SIGLEC11: variants seen among roughly 807,000 people sequenced by gnomAD.
SIGLEC11 encodes the protein sialic acid-binding Ig-like lectin 11.
In SIGLEC11, 47 loss-of-function variants were observed where a neutral mutation model predicts 61.2. The ratio of observed to expected loss-of-function variants is 0.77; its 90% CI spans 0.61 to 0.98. The LOEUF is 0.98. Among genes scored for constraint, SIGLEC11 ranks in the 50% least tolerant of loss-of-function variants. The probability of loss-of-function intolerance (pLI) is 0.00; values close to 1 mark genes in which losing one functional copy is unlikely to be tolerated. For missense variants in SIGLEC11, 610 were observed against 870.3 expected (o/e 0.70, Z 3.76); for synonymous variants, 278 against 373.1 (o/e 0.75, Z 2.94).
chr19:49,958,934 T>C (rs1226927912), intron 6 of SIGLEC11, 34 bp from the exon 7 acceptor site: 4 of 1,609,104 alleles, frequency 2.5e-6, no homozygotes, highest in Non-Finnish European at 3.4e-6. Context: ...GACGTGCAGC[T>C]CAGGGCTCAG....
intron 8 of SIGLEC11, among the ~76,000 whole-genome samples, chr19:49,958,017 AC>A (rs1215677580): frequency 6.6e-6 from 1 of 151,896 alleles, no homozygotes; most frequent in Non-Finnish European, 1.5e-5. Context: ...AACAAAAAAA[AC>A]CCCTTCTTTG....
chr19:49,958,817 G>T lies in SIGLEC11; in HGVS notation c.1189C>A (p.Pro397Thr). The change falls in exon 7 of 11, where the codon CCC becomes ACC. Residue 397 changes from proline (P) to threonine (T), a missense_variant. By Grantham distance (38) the Pro-to-Thr change is conservative (BLOSUM62 -1). Transcript: ENST00000447370. Reference protein sequence around the residue: ...LRLVCVTHSSPPARLSWTRWG... With the variant: ...LRLVCVTHSSTPARLSWTRWG... ...CGGGTCCAGCTCAGCCTGGCTGGGG[G>T]GCTGCTGTGGGTGACACAGACCAGG... 6.2e-7 allele frequency: 1 copy of T among 1,612,820 alleles called. No individual in the cohort carries two copies. Among genetic ancestry groups the T allele is most frequent in the Non-Finnish European group, 8.5e-7 (1 of 1,179,310 alleles).
chr19:49,951,753 G>T lies in SIGLEC11; in HGVS notation c.1830+138C>A. 1.5e-6 allele frequency: 1 copy of T among 672,060 alleles called. No individual in the cohort carries two copies. The highest frequency in any genetic ancestry group is 2.4e-6 in the Non-Finnish European group (1 of 424,270). The allele number at this position is 672,060 out of a possible 1,614,324, so 41.6% of individuals were successfully genotyped here. Reference sequence around the variant, plus strand: ...GGGTGCCTCCCAGATCATGGGACTTGGGACTGCATTGATGGGGACCCAGGA... The same window carrying T: ...GGGTGCCTCCCAGATCATGGGACTTTGGACTGCATTGATGGGGACCCAGGA... On this transcript the variant is annotated intron_variant, in intron 10 of 10. Coordinates refer to ENST00000447370, the MANE Select transcript of SIGLEC11 (RefSeq NM_052884.3). This position sits in a 1 kb window ranked among gnomAD's most constrained non-coding sequence, Gnocchi z 4.6.
rs768270300 is a variant in SIGLEC11 at position 49,952,306 on chromosome 19, G to A, written c.1740C>T (p.Val580=). The part of the protein sequence containing the change: ...AALLAFCSCL[V]VFRVKICRKE... ...TGCCCTCCGATGCTTACCTGAAGAC[G>A]ACAAGGCAGGAACAGAAAGCGAGCA... is the stretch of plus-strand genomic sequence containing the variant. Residue 580 remains valine (V), a synonymous_variant, in exon 9 of 11, where the codon GTC becomes GTT. Coordinates refer to ENST00000447370, the MANE Select transcript of SIGLEC11 (RefSeq NM_052884.3). The A allele has an allele frequency of 6.2e-6, 10 of 1,612,528 alleles. No individual in the cohort carries two copies. Among genetic ancestry groups the A allele is most frequent in the African/African-American group, 2.7e-5 (2 of 74,912 alleles).
At chr19:49,953,392 G>A (rs1038577538) in intron 8 of SIGLEC11, among the ~76,000 whole-genome samples, 7 of 152,114 alleles carry the variant, frequency 4.6e-5, no homozygotes, top group African/African-American at 1.7e-4. Flanking sequence ...AGCGAGAGTG[G>A]CTCGTCGATT....
Position 49,958,663 on chromosome 19 carries a change from G to C in SIGLEC11, c.1343C>G (p.Ser448Cys). Residue 448 changes from serine (S) to cysteine (C), a missense_variant, in exon 7 of 11, where the codon TCT becomes TGT. Physicochemically the swap from Ser to Cys is moderately radical, Grantham distance 112. Coordinates refer to ENST00000447370, the MANE Select transcript of SIGLEC11 (RefSeq NM_052884.3). ...AQHPLGSQHVSLSLSVHYPPQ... is the reference protein window; with the variant it reads ...AQHPLGSQHVCLSLSVHYPPQ... ...CTCACAGTGCACGGAGAGGCTGAGA[G>C]AGACGTGCTGGGAGCCCAGAGGGTG... 1 of 1,602,754 alleles carries C rather than the reference G, an allele frequency of 6.2e-7. No individual in the cohort carries two copies. Among genetic ancestry groups the C allele is most frequent in the Non-Finnish European group, 8.5e-7 (1 of 1,174,442 alleles).
chr19:49,951,947 G>C lies in SIGLEC11; in HGVS notation c.1774C>G (p.Arg592Gly), dbSNP rs745759468. Residue 592 changes from arginine to glycine, a missense_variant, in exon 10 of 11, where the codon CGC becomes GGC. This residue lies in a region of SIGLEC11 where 432 missense variants were observed against 441.5 expected (regional missense o/e 0.98). Coordinates refer to ENST00000447370, the MANE Select transcript of SIGLEC11 (RefSeq NM_052884.3). This position sits in a 1 kb window ranked among gnomAD's most constrained non-coding sequence, Gnocchi z 4.6. Reference protein sequence around the residue: ...FRVKICRKEARKRAAAEQDVP... With the variant: ...FRVKICRKEAGKRAAAEQDVP... The stretch of plus-strand genomic sequence containing the variant: ...TCCTGCTCAGCTGCTGCCCTCTTGC[G>C]AGCTTCCTTCCTGCAGATCTTCACC... 6.2e-7 allele frequency: 1 copy of C among 1,610,936 alleles called. No individual in the cohort carries two copies. Among genetic ancestry groups the C allele is most frequent in the Non-Finnish European group, 8.5e-7 (1 of 1,178,982 alleles).
intron 8 of SIGLEC11, among the ~76,000 whole-genome samples, chr19:49,956,332 C>A (rs570435196): frequency 6.6e-6 from 1 of 152,088 alleles, no homozygotes; most frequent in Non-Finnish European, 1.5e-5. Flanking sequence ...CACTTTGTGG[C>A]GGGGCAAAGA....
At position 49,950,220 on chromosome 19, in the gene SIGLEC11, C is replaced by A; in HGVS notation, c.1847G>T (p.Cys616Phe). ...GPISQGHQHE[C>F]SAGSSQDHPP... ...GTGGTCTTGGGAGCTGCCTGCCGAG[C>A]ATTCATGCTGGTGACCCTGAATGCA... Residue 616 changes from cysteine to phenylalanine, a missense_variant, in exon 11 of 11, where the codon TGC becomes TTC. This residue lies in a region of SIGLEC11 where 432 missense variants were observed against 441.5 expected (regional missense o/e 0.98). Transcript: ENST00000447370. 1 of 1,589,582 alleles carries A rather than the reference C, an allele frequency of 6.3e-7. No individual in the cohort carries two copies. Among genetic ancestry groups the A allele is most frequent in the South Asian group, 1.1e-5 (1 of 89,016 alleles).
At chr19:49,960,011 G>C (rs2076230645) in intron 3 of SIGLEC11, 126 bp downstream of exon 3, 1 of 1,289,952 alleles carries the variant, frequency 7.8e-7, no homozygotes. Context: ...CCGGCATCCT[G>C]GGACCCCACA....
rs1030720232 is a variant in SIGLEC11 at position 49,951,438 on chromosome 19, C to A, written c.1830+453G>T. On this transcript the variant is annotated intron_variant, in intron 10 of 10. Coordinates refer to ENST00000447370, the MANE Select transcript of SIGLEC11 (RefSeq NM_052884.3). This position sits in a 1 kb window ranked among gnomAD's most constrained non-coding sequence, Gnocchi z 4.6. ...CAGCTCTCAGTGAGTCCTGCGAGTC[C>A]TAGGGGGTTATCCAACCTCAGAGTG... is the stretch of plus-strand genomic sequence containing the variant. 6.6e-6 allele frequency among the ~76,000 whole-genome samples: 1 copy of A among 152,124 alleles called. No homozygotes were observed. The highest frequency in any genetic ancestry group is 2.4e-5 in the African/African-American group (1 of 41,432).
intron 10 of SIGLEC11, among the ~76,000 whole-genome samples, chr19:49,950,774 C>A (rs1268438793): frequency 6.6e-6 from 1 of 152,192 alleles, no homozygotes; most frequent in Non-Finnish European, 1.5e-5. Context: ...AAGTTACTAT[C>A]TAATTGCAAA....
rs781720686 is a variant in SIGLEC11, at chr19:49,960,600, G to A, written c.412C>T (p.Arg138Cys). ...WYFFRVERGSRVRHSFLSNAF... is the reference protein window; with the variant it reads ...WYFFRVERGSCVRHSFLSNAF... ...TTGCTCAGGAAACTATGTCTCACACGGCTTCCTCTCTCCACCCGAAAGAAG... is the reference window on the plus strand; with the variant it reads ...TTGCTCAGGAAACTATGTCTCACACAGCTTCCTCTCTCCACCCGAAAGAAG... The change falls in exon 2 of 11, where the codon CGT becomes TGT. Residue 138 changes from arginine to cysteine, a missense_variant. Physicochemically the swap from Arg to Cys is radical, Grantham distance 180. Coordinates refer to ENST00000447370, the MANE Select transcript of SIGLEC11 (RefSeq NM_052884.3). The A allele has an allele frequency of 1.6e-5, 25 of 1,599,320 alleles. No individual in the cohort carries two copies. The highest frequency in any genetic ancestry group is 8.9e-5 in the East Asian group (4 of 44,892).
rs953522022 is a variant in SIGLEC11, at chr19:49,949,887, G to A, written c.*83C>T. 23 of 1,292,828 alleles carry A rather than the reference G, an allele frequency of 1.8e-5. No homozygotes were observed. The African/African-American group carries it at 3.0e-4, about 17-fold the overall frequency. 80.1% of individuals were successfully genotyped at this position (1,292,828 alleles called of 1,614,324 possible). On this transcript the variant is annotated 3_prime_UTR_variant, in exon 11 of 11. Coordinates refer to ENST00000447370, the MANE Select transcript of SIGLEC11 (RefSeq NM_052884.3). ...ACTCAAGCTCTTCATTGGGGATGGG[G>A]CTGAAATCTGAGTCCAGTTCTGGCC...
In SIGLEC11 at chr19:49,951,917, G is replaced by C; in HGVS notation, c.1804C>G (p.Pro602Ala). The change falls in exon 10 of 11, where the codon CCC (proline) becomes GCC (alanine). Residue 602 changes from proline (P) to alanine (A), a missense_variant. Pro to Ala is a conservative substitution (Grantham distance 27). Coordinates refer to ENST00000447370, the MANE Select transcript of SIGLEC11 (RefSeq NM_052884.3). The surrounding 1 kb of genome is among the most constrained non-coding windows in gnomAD (Gnocchi z 4.6). The stretch of plus-strand genomic sequence containing the variant: ...TGGGAGATGGGTCCCAGGGTGGAGG[G>C]CACGTCCTGCTCAGCTGCTGCCCTC... Reference protein sequence around the residue: ...RKRAAAEQDVPSTLGPISQGH... With the variant: ...RKRAAAEQDVASTLGPISQGH... The C allele has an allele frequency of 6.2e-7, 1 of 1,609,534 alleles. No homozygotes were observed. Among genetic ancestry groups the C allele is most frequent in the Non-Finnish European group, 8.5e-7 (1 of 1,178,248 alleles).
rs1262489331 is a variant in SIGLEC11 at position 49,958,437 on chromosome 19, A to G, written c.1497T>C (p.Ser499=). The change falls in exon 8 of 11, where the codon AGT becomes AGC. Residue 499 remains serine (S), a synonymous_variant. Coordinates refer to ENST00000447370, the MANE Select transcript of SIGLEC11 (RefSeq NM_052884.3). ...LGEELLEGNS[S]QGSFEVTPSS... is the part of the protein sequence containing the mutation. Reference sequence around the variant, plus strand: ...TGGGGGTGACCTCGAAGGAGCCCTGACTGCTGTTCCCCTCCAGCAGCTCCT... The same window carrying G: ...TGGGGGTGACCTCGAAGGAGCCCTGGCTGCTGTTCCCCTCCAGCAGCTCCT... 1.2e-5 allele frequency: 20 copies of G among 1,613,662 alleles called. No homozygotes were observed. The highest frequency in any genetic ancestry group is 2.7e-5 in the African/African-American group (2 of 74,914).
In SIGLEC11 at chr19:49,955,226, G is replaced by T. The variant is rs1228619984; in HGVS notation, c.1652-2832C>A. On this transcript the variant is annotated intron_variant, in intron 8 of 10. Transcript: ENST00000447370. This position sits in a 1 kb window ranked among gnomAD's most constrained non-coding sequence, Gnocchi z 4.5. ...AAAGCAACAAGCGAGGCACCAAGCA[G>T]CTAGGCACACCAAGGGTTTAGTCCC... is the stretch of plus-strand genomic sequence containing the variant. 2.0e-5 allele frequency among the ~76,000 whole-genome samples: 3 copies of T among 150,868 alleles called. No individual in the cohort carries two copies. Among genetic ancestry groups the T allele is most frequent in the Admixed American group, 6.6e-5 (1 of 15,072 alleles).
rs35570164 is a variant in SIGLEC11 at position 49,955,431 on chromosome 19, CA to C, written c.1651+2851del. ...ACGGCTGTGCAGATCCTACCTAGCC[CA>C]AAAAAGTAAGTGTGAAAAAGGAAAA... is the stretch of plus-strand genomic sequence containing the variant. On this transcript the variant is annotated intron_variant, in intron 8 of 10. Transcript: ENST00000447370. The surrounding 1 kb of genome is among the most constrained non-coding windows in gnomAD (Gnocchi z 4.5). Among the ~76,000 whole-genome samples the C allele has an allele frequency of 1.3e-5, 2 of 151,780 alleles. No homozygotes were observed. The highest frequency in any genetic ancestry group is 2.1e-4 in the South Asian group (1 of 4,802).
chr19:49,955,785 A>G lies in SIGLEC11; in HGVS notation c.1651+2498T>C, dbSNP rs1229437472. Among the ~76,000 whole-genome samples the G allele has an allele frequency of 1.3e-5, 2 of 152,122 alleles. No homozygotes were observed. The highest frequency in any genetic ancestry group is 2.9e-5 in the Non-Finnish European group (2 of 68,030). On this transcript the variant is annotated intron_variant, in intron 8 of 10. Transcript: ENST00000447370. This position sits in a 1 kb window ranked among gnomAD's most constrained non-coding sequence, Gnocchi z 4.5. The stretch of plus-strand genomic sequence containing the variant: ...CTGTCTCTAGTAAAAATACAAAAAA[A>G]TTAGCCGGGCTTGGTGGCGGGCGCC...
Sources: gnomAD v4.1 joint callset for allele counts (sites outside exome capture counted in the v4.1 genomes callset) on GRCh38, gnomAD v4.1.1 for gene constraint, gnomAD v4.1.1 regional missense constraint, Gnocchi (gnomAD v3.1) non-coding constraint, MANE v1.5 for transcripts, NCBI Gene and HGNC (gene_info 2026-07-23, HGNC 2026-07-21) for gene names.